Variants in HERC1 observed in about 807,000 individuals in gnomAD.
HERC1 encodes the protein HECT and RLD domain containing E3 ubiquitin protein ligase family member 1.
A neutral mutation model predicts 554.3 loss-of-function variants in HERC1; 160 were observed. The ratio of observed to expected loss-of-function variants is 0.29; its 90% CI spans 0.25 to 0.33. The LOEUF (loss-of-function observed/expected upper bound fraction) is 0.33. Ranked by LOEUF, HERC1 falls within the 10% of genes least tolerant of loss-of-function variation. The probability of loss-of-function intolerance (pLI) is 1.00; values close to 1 mark genes in which losing one functional copy is unlikely to be tolerated. For missense variants in HERC1, 4,919 were observed against 5,918.5 expected, an observed-to-expected ratio of 0.83 and a Z score of 5.54; for synonymous variants, 2,175 against 2,131.7, an observed-to-expected ratio of 1.02 and a Z score of -0.56.
intron 1 of HERC1, among the ~76,000 whole-genome samples, chr15:63,777,773 A>G (rs1045158555): frequency 4.6e-5 from 7 of 152,200 alleles, no homozygotes; most frequent in African/African-American, 1.4e-4. Flanking sequence ...CCCAGATTCC[A>G]CATGAATTCT....
intron 52 of HERC1, 58 bp downstream of exon 52, chr15:63,652,356 T>C: frequency 6.7e-7 from 1 of 1,501,188 alleles, no homozygotes; most frequent in Non-Finnish European, 9.0e-7. Context: ...ACAACCAAGA[T>C]GAGGCATGTT....
Position 63,686,514 on chromosome 15 carries a change from C to T in HERC1, c.6070G>A (p.Glu2024Lys). 1 of 1,613,214 alleles carries T rather than the reference C, an allele frequency of 6.2e-7. No individual in the cohort carries two copies. The highest frequency in any genetic ancestry group is 8.5e-7 in the Non-Finnish European group (1 of 1,179,638). Residue 2024 changes from glutamate (E) to lysine (K), a missense_variant, in exon 34 of 78, where the codon GAA becomes AAA. Glu to Lys is a moderately conservative substitution (Grantham distance 56, BLOSUM62 1). Coordinates refer to ENST00000443617, the MANE Select transcript of HERC1 (RefSeq NM_003922.4). Reference protein sequence around the residue: ...KLQKQGELEEEDENLPIQEVS... With the variant: ...KLQKQGELEEKDENLPIQEVS... ...TCTTGGATAGGAAGATTCTCATCTT[C>T]TTCTTCCAACTCGCCCTGCTTCTAC...
chr15:63,638,847 C>T, intron 61 of HERC1, 71 bp from the exon 62 acceptor site: 1 of 1,009,376 alleles, frequency 9.9e-7, no homozygotes, highest in Admixed American at 1.8e-5. Context: ...CCACAAAGTC[C>T]TCTTCTAATC....
rs747374730 is a variant in HERC1 at position 63,775,359 on chromosome 15, A to G, written c.265T>C (p.Leu89=). The stretch of plus-strand genomic sequence containing the variant: ...GAATCTGAACATACCATCTTTGCCA[A>G]TGCTAGCTGGCTGCTAAGAAGGGCA... ...LDALLSSQLA[L]AKMVCSDSPF... The change falls in exon 2 of 78, where the codon TTG becomes CTG. Residue 89 remains leucine (L), a synonymous_variant. Coordinates refer to ENST00000443617, the MANE Select transcript of HERC1 (RefSeq NM_003922.4). The surrounding 1 kb of genome is among the most constrained non-coding windows in gnomAD (Gnocchi z 4.0). The G allele has an allele frequency of 5.6e-6, 9 of 1,613,824 alleles. No individual in the cohort carries two copies. The Admixed American group carries it at 1.0e-4, about 18-fold the overall frequency.
At chr15:63,832,377 T>C (rs2078187384) in intron 1 of HERC1, among the ~76,000 whole-genome samples, 2 of 152,036 alleles carry the variant, frequency 1.3e-5, no homozygotes, top group Admixed American at 6.6e-5. Context: ...TGGAAACACA[T>C]ATATCAAAGA....
chr15:63,636,371 A>C (rs1409692970), intron 64 of HERC1, among the ~76,000 whole-genome samples: 2 of 151,522 alleles, frequency 1.3e-5, no homozygotes, highest in African/African-American at 4.9e-5. Context: ...CCCCGGTTCA[A>C]GTGATTCTCT....
rs1284316070 is a variant in HERC1 at position 63,624,253 on chromosome 15, TC to T, written c.13349del (p.Arg4450LysfsTer11). The T allele has an allele frequency of 6.2e-7, 1 of 1,613,800 alleles. No homozygotes were observed. The highest frequency in any genetic ancestry group is 1.3e-5 in the African/African-American group (1 of 75,002). On this transcript the variant is annotated frameshift_variant, in exon 72 of 78. Transcript: ENST00000443617. LOFTEE classifies it high-confidence loss of function. ...AGCGCACCATTGGCAGAGTGTAGACTCTTGGGGCTAACAAAGGCCGAAGTTG... is the reference window on the plus strand; with the variant it reads ...AGCGCACCATTGGCAGAGTGTAGACTTTGGGGCTAACAAAGGCCGAAGTTG... The part of the protein sequence containing the change: ...QGQLRPLLAP[R>X]VYTLPMVRSI...
rs924166636 is a variant in HERC1, at chr15:63,705,045, A to AT, written c.4636+1734dup. On this transcript the variant is annotated intron_variant, in intron 25 of 77. Transcript: ENST00000443617. Reference sequence around the variant, plus strand: ...GAGCCACGACACCCCACCCTCTGTAATTTTTTTTTAAGAAACTCAGCAGCT... The same window carrying AT: ...GAGCCACGACACCCCACCCTCTGTAATTTTTTTTTTAAGAAACTCAGCAGCT... 9.3e-4 allele frequency among the ~76,000 whole-genome samples: 140 copies of AT among 150,778 alleles called. 1 individual carries two copies. Among genetic ancestry groups the AT allele is most frequent in the African/African-American group, 1.4e-3 (59 of 41,148 alleles).
chr15:63,612,255 T>A lies in HERC1; in HGVS notation c.14396A>T (p.Asp4799Val), dbSNP rs2067635797. Residue 4799 changes from aspartate (D) to valine (V), a missense_variant, in exon 77 of 78, where the codon GAT becomes GTT. By Grantham distance (152) the Asp-to-Val change is radical. Transcript: ENST00000443617. This position sits in a 1 kb window ranked among gnomAD's most constrained non-coding sequence, Gnocchi z 5.0. ...ISQRFQIMKV[D>V]RPYDSLPTSQ... ...AAAAAAGAATAGCTTACTTACCCTA[T>A]CAACCTTCATGATTTGAAATCTCTG... 1 of 1,605,388 alleles carries A rather than the reference T, an allele frequency of 6.2e-7. No homozygotes were observed. Among genetic ancestry groups the A allele is most frequent in the African/African-American group, 1.3e-5 (1 of 74,766 alleles).
chr15:63,675,022 G>A lies in HERC1; in HGVS notation c.7166C>T (p.Thr2389Met), dbSNP rs1402293559. 7 of 1,613,868 alleles carry A rather than the reference G, an allele frequency of 4.3e-6. No homozygotes were observed. The highest frequency in any genetic ancestry group is 2.2e-5 in the East Asian group (1 of 44,898). Residue 2389 changes from threonine (T) to methionine (M), a missense_variant, in exon 38 of 78, where the codon ACG (threonine) becomes ATG (methionine). Thr to Met is a moderately conservative substitution (Grantham distance 81). Around this residue, in one of 11 missense-constraint regions of HERC1, gnomAD observed 1,963 missense variants for 2,228.6 expected, o/e 0.88. Coordinates refer to ENST00000443617, the MANE Select transcript of HERC1 (RefSeq NM_003922.4). ...PFDVARFRGL[T>M]ASVLLDLTYL... is the part of the protein sequence containing the mutation. ...TGTTAGGTCCAGCAGCACAGAAGCC[G>A]TCAGGCCTCGGAATCGCGCCACATC...
chr15:63,656,301 T>C lies in HERC1; in HGVS notation c.9657A>G (p.Arg3219=). The stretch of plus-strand genomic sequence containing the variant: ...CCAAGCACATTAATCGAACTAGCGT[T>C]CGGATATCTGTTAGCCCCAGAGACT... ...GLESLGLTDI[R]TLVRLMCLAA... is the part of the protein sequence containing the mutation. The change falls in exon 49 of 78, where the codon CGA becomes CGG. Residue 3219 remains arginine, a synonymous_variant. Transcript: ENST00000443617. The C allele has an allele frequency of 6.2e-7, 1 of 1,613,924 alleles. No individual in the cohort carries two copies. The highest frequency in any genetic ancestry group is 1.7e-5 in the Admixed American group (1 of 60,026).
Position 63,615,899 on chromosome 15 carries a change from C to A in HERC1, c.13963G>T (p.Val4655Phe), listed in dbSNP as rs1429952210. Residue 4655 changes from valine to phenylalanine, a missense_variant, in exon 76 of 78, where the codon GTT (valine) becomes TTT (phenylalanine). Transcript: ENST00000443617. Reference sequence around the variant, plus strand: ...ATTTTGCCATCAGCACTCTGGCCAACAAAAGAATCAAGAGGAATCATCTAG... The same window carrying A: ...ATTTTGCCATCAGCACTCTGGCCAAAAAAAGAATCAAGAGGAATCATCTAG... ...FHEMIPLDSF[V>F]GQSADGKMVP... 1.3e-6 allele frequency: 2 copies of A among 1,593,926 alleles called. No homozygotes were observed. Among genetic ancestry groups the A allele is most frequent in the Non-Finnish European group, 1.7e-6 (2 of 1,172,308 alleles).
chr15:63,616,002 A>C, intron 75 of HERC1, 82 bp from the exon 76 acceptor site: 1 of 1,152,436 alleles, frequency 8.7e-7, no homozygotes, highest in South Asian at 1.5e-5. Context: ...ACGGCACAGC[A>C]ATAACAAACT....
At chr15:63,823,649 AT>A (rs1190246676) in intron 1 of HERC1, among the ~76,000 whole-genome samples, 3 of 152,224 alleles carry the variant, frequency 2.0e-5, no homozygotes, top group Non-Finnish European at 1.5e-5. Context: ...AACTAGTGCC[AT>A]CCTACATTGG....
Position 63,656,181 on chromosome 15 carries a change from A to G in HERC1, c.9777T>C (p.Pro3259=). The G allele has an allele frequency of 6.2e-7, 1 of 1,612,740 alleles. No homozygotes were observed. The highest frequency in any genetic ancestry group is 8.5e-7 in the Non-Finnish European group (1 of 1,179,332). ...TGCTCAAATAGGCCAGGCAAGAGAT[A>G]GGCTTGTTAGCCTTGCTATGCCCAC... ...SRGGHSKANK[P]ISCLAYLSTA... The change falls in exon 49 of 78, where the codon CCT becomes CCC. Residue 3259 remains proline (P), a synonymous_variant. Transcript: ENST00000443617.
chr15:63,793,882 C>T (rs1017277412), intron 1 of HERC1, among the ~76,000 whole-genome samples: 7 of 151,996 alleles, frequency 4.6e-5, no homozygotes, highest in East Asian at 3.9e-4. Flanking sequence ...CATTCCCAGA[C>T]GGTTAAGGCA....
Position 63,774,839 on chromosome 15 carries a change from C to T in HERC1, c.785G>A (p.Arg262Gln), listed in dbSNP as rs781546007. ...LGLAAQRGSLRYLLEWIEMAL... is the reference protein window; with the variant it reads ...LGLAAQRGSLQYLLEWIEMAL... The stretch of plus-strand genomic sequence containing the variant: ...CATTTCTATCCATTCAAGAAGATAT[C>T]GCAATGAGCCTCGTTGAGCTGCCAA... The change falls in exon 2 of 78, where the codon CGA becomes CAA. Residue 262 changes from arginine (R) to glutamine (Q), a missense_variant. Arg to Gln is a conservative substitution (Grantham distance 43, BLOSUM62 1). Around this residue, in one of 11 missense-constraint regions of HERC1, gnomAD observed 744 missense variants for 1,090.0 expected, o/e 0.68. Transcript: ENST00000443617. The T allele has an allele frequency of 4.3e-6, 7 of 1,613,848 alleles. No individual in the cohort carries two copies. The highest frequency in any genetic ancestry group is 1.3e-5 in the African/African-American group (1 of 74,896).
intron 51 of HERC1, among the ~76,000 whole-genome samples, chr15:63,653,309 G>A (rs1353294507): frequency 6.6e-6 from 1 of 152,026 alleles, no homozygotes; most frequent in Non-Finnish European, 1.5e-5. Context: ...CGAGTGTGGT[G>A]GTGTACATCT....
rs574381910 is a variant in HERC1, at chr15:63,684,488, C to T, written c.6225+1871G>A. Among the ~76,000 whole-genome samples the T allele has an allele frequency of 1.1e-4, 16 of 152,270 alleles. No individual in the cohort carries two copies. The South Asian group carries it at 3.3e-3, about 32-fold the overall frequency. ...CAAATGTTTTTGTGTGAAAACTCTT[C>T]CTCTTGCATCCAACCCTTCTGGACA... On this transcript the variant is annotated intron_variant, in intron 34 of 77. Transcript: ENST00000443617.
Sources: gnomAD v4.1 joint callset for allele counts (sites outside exome capture counted in the v4.1 genomes callset) on GRCh38, gnomAD v4.1.1 for gene constraint, gnomAD v4.1.1 regional missense constraint, Gnocchi (gnomAD v3.1) non-coding constraint, MANE v1.5 for transcripts, NCBI Gene and HGNC (gene_info 2026-07-23, HGNC 2026-07-21) for gene names.